Variants in MEI1 observed in about 807,000 individuals in gnomAD.
MEI1 encodes the protein meiosis inhibitor protein 1.
Under a neutral mutation model 146.2 loss-of-function variants are expected in MEI1, and 103 were observed. That is an observed-to-expected ratio of 0.70 (90% CI 0.60 to 0.83). The LOEUF is 0.83. MEI1 is among the 40% of genes least tolerant of loss of function. MEI1 has a pLI of 0.00. For synonymous variants in MEI1, 652 were observed against 628.2 expected, an observed-to-expected ratio of 1.04 and a Z score of -0.57; for missense variants, 1,529 against 1,533.0, an observed-to-expected ratio of 1.00 and a Z score of 0.04.
Position 41,703,438 on chromosome 22 carries a change from C to T in MEI1, c.282C>T (p.Phe94=), listed in dbSNP as rs147144334. The T allele has an allele frequency of 4.5e-5, 71 of 1,583,618 alleles. No individual in the cohort carries two copies. The Middle Eastern group carries it at 5.0e-4, about 11-fold the overall frequency. ...AGGATCAGAGAGTCTGCATCCACTTCATAAGTGTGCTTTTTGGTAAGATTA... is the reference window on the plus strand; with the variant it reads ...AGGATCAGAGAGTCTGCATCCACTTTATAAGTGTGCTTTTTGGTAAGATTA... ...VSQDQRVCIH[F]ISVLFGLLCS... Residue 94 remains phenylalanine, a synonymous_variant, in exon 2 of 31, where the codon TTC becomes TTT. Transcript: ENST00000401548.
intron 11 of MEI1, among the ~76,000 whole-genome samples, chr22:41,740,688 C>T (rs1341291004): frequency 6.6e-6 from 1 of 152,068 alleles, no homozygotes. Context: ...TGTGTTTGTG[C>T]CACTGCACTC....
At chr22:41,762,073 G>T (rs1047397543) in intron 18 of MEI1, among the ~76,000 whole-genome samples, 6 of 152,158 alleles carry the variant, frequency 3.9e-5, no homozygotes, top group African/African-American at 1.4e-4. Flanking sequence ...TGGCTATTGT[G>T]AATAGTGCTG....
Position 41,794,401 on chromosome 22 carries a change from G to A in MEI1, c.3458G>A (p.Arg1153Gln), listed in dbSNP as rs774663994. The change falls in exon 28 of 31, where the codon CGG becomes CAG. Residue 1153 changes from arginine to glutamine, a missense_variant. Arg to Gln is a conservative substitution (Grantham distance 43). Coordinates refer to ENST00000401548, the MANE Select transcript of MEI1 (RefSeq NM_152513.4). Reference sequence around the variant, plus strand: ...CACGTGGCCTCCCAGCCTTGGAATCGGTTTTTGCTGTTTACCCTCTTGGAT... The same window carrying A: ...CACGTGGCCTCCCAGCCTTGGAATCAGTTTTTGCTGTTTACCCTCTTGGAT... ...ALHVASQPWN[R>Q]FLLFTLLDAG... 5.6e-6 allele frequency: 9 copies of A among 1,613,840 alleles called. No homozygotes were observed. The highest frequency in any genetic ancestry group is 7.6e-6 in the Non-Finnish European group (9 of 1,179,878).
intron 7 of MEI1, among the ~76,000 whole-genome samples, chr22:41,726,061 C>T (rs1272876745): frequency 6.6e-6 from 1 of 152,014 alleles, no homozygotes; most frequent in Admixed American, 6.6e-5. Context: ...GGGTGGATCA[C>T]GAGGTCAGGA....
intron 17 of MEI1, among the ~76,000 whole-genome samples, chr22:41,757,422 A>G (rs2074169734): frequency 6.6e-6 from 1 of 151,730 alleles, no homozygotes; most frequent in African/African-American, 2.4e-5. Context: ...CAATGGTGCC[A>G]TCTCAGCTCA....
In MEI1 at chr22:41,769,905, C is replaced by T. The variant is rs896633161; in HGVS notation, c.2269-781C>T. ...ATCCCAGCACTTTAGGAGGCCAAGG[C>T]GGGCAGATCACCTGAGGTCAGGGGT... On this transcript the variant is annotated intron_variant, in intron 19 of 30. Transcript: ENST00000401548. Among the ~76,000 whole-genome samples, 9 of 151,724 alleles carry T rather than the reference C, an allele frequency of 5.9e-5. No homozygotes were observed. The South Asian group carries it at 1.0e-3, about 18-fold the overall frequency.
intron 6 of MEI1, among the ~76,000 whole-genome samples, chr22:41,720,239 G>A (rs1325495539): frequency 1.3e-5 from 2 of 152,060 alleles, no homozygotes; most frequent in Non-Finnish European, 2.9e-5. Flanking sequence ...GCCAGAGCAC[G>A]AGGTATGAAG....
intron 18 of MEI1, 76 bp from the exon 19 acceptor site, chr22:41,763,098 T>C: frequency 6.5e-7 from 1 of 1,534,264 alleles, no homozygotes; most frequent in South Asian, 1.2e-5. Flanking sequence ...TGAGGAAGGA[T>C]GCGGCCAGGC....
At chr22:41,715,616 C>T (rs1358392593) in intron 4 of MEI1, among the ~76,000 whole-genome samples, 2 of 151,926 alleles carry the variant, frequency 1.3e-5, no homozygotes, top group Admixed American at 6.6e-5. Flanking sequence ...AGGATGGTCT[C>T]GATCTCCTGA....
intron 11 of MEI1, among the ~76,000 whole-genome samples, chr22:41,739,958 G>A (rs1004527961): frequency 6.6e-6 from 1 of 152,032 alleles, no homozygotes; most frequent in African/African-American, 2.4e-5. Context: ...CAGGAAAGCT[G>A]TTGGGTCAGA....
intron 27 of MEI1, 133 bp downstream of exon 27, chr22:41,794,043 C>A: frequency 1.1e-6 from 1 of 879,996 alleles, no homozygotes; most frequent in Non-Finnish European, 1.8e-6. Context: ...TTTAGCAGCA[C>A]TGCAAGGGCA....
chr22:41,799,306 G>A lies in MEI1; in HGVS notation c.*7G>A, dbSNP rs1241101876. The A allele has an allele frequency of 5.6e-6, 9 of 1,613,434 alleles. No homozygotes were observed. Among genetic ancestry groups the A allele is most frequent in the Non-Finnish European group, 7.6e-6 (9 of 1,179,568 alleles). On this transcript the variant is annotated 3_prime_UTR_variant, in exon 31 of 31. Coordinates refer to ENST00000401548, the MANE Select transcript of MEI1 (RefSeq NM_152513.4). ...GTCCCACATCAGAAACTGATCCTCA[G>A]GACTTGAAGGCCCAGAAGTGGAGAG...
intron 12 of MEI1, among the ~76,000 whole-genome samples, chr22:41,743,453 C>G (rs2073041433): frequency 2.3e-5 from 1 of 43,644 alleles, no homozygotes; most frequent in Non-Finnish European, 4.5e-5. Context: ...AGTACCTAAG[C>G]CTAGAACAGT....
intron 12 of MEI1, among the ~76,000 whole-genome samples, chr22:41,744,517 A>T (rs1358880174): frequency 2.2e-3 from 1 of 448 alleles, no homozygotes; most frequent in Admixed American, 0.01. Context: ...TTTTTTTTTG[A>T]GACGGAGTCT....
At chr22:41,769,029 G>C (rs2075019858) in intron 19 of MEI1, among the ~76,000 whole-genome samples, 1 of 152,078 alleles carries the variant, frequency 6.6e-6, no homozygotes, top group Non-Finnish European at 1.5e-5. Context: ...AATGCAATCT[G>C]TATCAAAATC....
Position 41,763,325 on chromosome 22 carries a change from T to C in MEI1, c.2268+4T>C, listed in dbSNP as rs1244063972. The C allele has an allele frequency of 1.2e-6, 2 of 1,613,338 alleles. No individual in the cohort carries two copies. Among genetic ancestry groups the C allele is most frequent in the Non-Finnish European group, 1.7e-6 (2 of 1,179,646 alleles). ...CAAAGACAATACACTACGTGAGGTA[T>C]GGACCACAATGCCTGGGCTCCTTGT... On this transcript the variant is annotated splice_donor_region_variant and intron_variant, in intron 19 of 30. Transcript: ENST00000401548.
In MEI1 at chr22:41,795,659, G is replaced by A; in HGVS notation, c.3667-76G>A. 1.3e-6 allele frequency: 2 copies of A among 1,589,358 alleles called. No homozygotes were observed. The highest frequency in any genetic ancestry group is 4.5e-5 in the East Asian group (2 of 44,446). ...CAAGGAATGGGAGGAGGGAAGTACA[G>A]AGGATGGAGGCAGTTAGGGCCTGTG... is the stretch of plus-strand genomic sequence containing the variant. On this transcript the variant is annotated intron_variant, in intron 29 of 30. Coordinates refer to ENST00000401548, the MANE Select transcript of MEI1 (RefSeq NM_152513.4). The surrounding 1 kb of genome is among the most constrained non-coding windows in gnomAD (Gnocchi z 4.2).
intron 22 of MEI1, among the ~76,000 whole-genome samples, chr22:41,780,512 A>T (rs1242111428): frequency 6.6e-6 from 1 of 152,006 alleles, no homozygotes; most frequent in Non-Finnish European, 1.5e-5. Flanking sequence ...AAGCACATCT[A>T]ATCTTGCCTT....
At chr22:41,739,018 G>C (rs1450190331) in intron 11 of MEI1, among the ~76,000 whole-genome samples, 1 of 151,938 alleles carries the variant, frequency 6.6e-6, no homozygotes, top group Admixed American at 6.6e-5. Context: ...GAATAGGCTG[G>C]GCATGGTGGC....
Sources: allele counts gnomAD v4.1 joint callset (sites outside exome capture counted in the v4.1 genomes callset), GRCh38; gene constraint gnomAD v4.1.1; non-coding constraint Gnocchi (gnomAD v3.1); transcripts MANE v1.5; gene names NCBI Gene and HGNC (gene_info 2026-07-23, HGNC 2026-07-21).